The following CADPS2 variants were observed in gnomAD, a reference collection of about 807,000 sequenced individuals.
CADPS2 encodes the protein calcium dependent secretion activator 2.
A neutral mutation model predicts 172.5 loss-of-function variants in CADPS2; 93 were observed. The observed-to-expected ratio is 0.54, with a 90% CI of 0.46 to 0.64. The LOEUF (loss-of-function observed/expected upper bound fraction) is 0.64. Among genes scored for constraint, CADPS2 ranks in the 30% least tolerant of loss-of-function variants. The pLI, the probability that CADPS2 is intolerant of heterozygous loss-of-function variation, is 0.00. For synonymous variants in CADPS2, 546 were observed against 555.2 expected (o/e 0.98, Z 0.23); for missense variants, 1,420 against 1,565.9 (o/e 0.91, Z 1.57).
chr7:122,491,264 T>C (rs1488464650), intron 10 of CADPS2, 48 bp downstream of exon 10: 1 of 1,203,548 alleles, frequency 8.3e-7, no homozygotes, highest in East Asian at 2.5e-5. Flanking sequence ...TTTATAAGAA[T>C]TCCATGCATA....
intron 3 of CADPS2, among the ~76,000 whole-genome samples, chr7:122,655,597 G>A (rs1210245325): frequency 2.0e-5 from 3 of 149,932 alleles, no homozygotes; most frequent in Admixed American, 6.8e-5. Context: ...TTTATATGCA[G>A]TGTGAAATAA....
At chr7:122,448,970 G>T (rs566212298) in intron 15 of CADPS2, among the ~76,000 whole-genome samples, 1 of 152,258 alleles carries the variant, frequency 6.6e-6, no homozygotes, top group African/African-American at 2.4e-5. Flanking sequence ...CTACTAGTCT[G>T]GGGATGAAGC....
chr7:122,324,708 G>A (rs2033447471), intron 29 of CADPS2, among the ~76,000 whole-genome samples: 1 of 152,052 alleles, frequency 6.6e-6, no homozygotes, highest in African/African-American at 2.4e-5. Context: ...AAATAAATAG[G>A]TGATTCTCAA....
intron 9 of CADPS2, among the ~76,000 whole-genome samples, chr7:122,512,909 T>A (rs2060105505): frequency 6.6e-6 from 1 of 152,160 alleles, no homozygotes; most frequent in African/African-American, 2.4e-5. Flanking sequence ...CCCATTAGTA[T>A]AAAGGTGAGT....
At chr7:122,626,641 G>A (rs752061476) in intron 4 of CADPS2, among the ~76,000 whole-genome samples, 12 of 152,040 alleles carry the variant, frequency 7.9e-5, no homozygotes, top group Admixed American at 3.9e-4. Flanking sequence ...CCTTATTGTG[G>A]GGCTATCGCA....
rs538673039 is a variant in CADPS2, at chr7:122,533,960, G to A, written c.1475+20590C>T. 5.9e-5 allele frequency among the ~76,000 whole-genome samples: 9 copies of A among 152,164 alleles called. No individual in the cohort carries two copies. The South Asian group carries it at 1.5e-3, about 25-fold the overall frequency. ...GAACGTCCAAGATTTCCATTTAGCC[G>A]AACGCATGCATCTCTGCTGGCAAAT... On this transcript the variant is annotated intron_variant, in intron 8 of 29. Transcript: ENST00000449022.
chr7:122,572,036 T>G (rs1244776044), intron 7 of CADPS2, among the ~76,000 whole-genome samples: 1 of 152,292 alleles, frequency 6.6e-6, no homozygotes, highest in South Asian at 2.1e-4. Context: ...GCATTATATA[T>G]CTACATGTGA....
rs73719703 is a variant in CADPS2, at chr7:122,584,405, C to G, written c.1224-3115G>C. On this transcript the variant is annotated intron_variant, in intron 6 of 29. Transcript: ENST00000449022. ...ACTTATACAAAGTTGTAAATTTTTT[C>G]ATCTTTGAATCCTTATAGCATCTGT... Among the ~76,000 whole-genome samples, 1,169 of 151,938 alleles carry G rather than the reference C, an allele frequency of 7.7e-3. 15 individuals carry two copies. The highest frequency in any genetic ancestry group is 0.027 in the African/African-American group (1,129 of 41,506).
chr7:122,834,485 G>A (rs564653554), intron 1 of CADPS2, among the ~76,000 whole-genome samples: 1 of 152,246 alleles, frequency 6.6e-6, no homozygotes, highest in South Asian at 2.1e-4. Flanking sequence ...AGCAGGGTGA[G>A]GCAATGCCTC....
intron 20 of CADPS2, among the ~76,000 whole-genome samples, chr7:122,404,710 T>C (rs938219252): frequency 1.3e-5 from 2 of 152,240 alleles, no homozygotes; most frequent in Non-Finnish European, 2.9e-5. Context: ...TGGTATCTCA[T>C]TGTGGTTTTG....
At chr7:122,868,467 C>G (rs1818855901) in intron 1 of CADPS2, among the ~76,000 whole-genome samples, 1 of 152,124 alleles carries the variant, frequency 6.6e-6, no homozygotes, top group Admixed American at 6.6e-5. Flanking sequence ...CTTCTCTCAC[C>G]TCTCTCAAGG....
At chr7:122,731,713 C>T (rs145970611) in intron 2 of CADPS2, among the ~76,000 whole-genome samples, 51 of 151,446 alleles carry the variant, frequency 3.4e-4, no homozygotes, top group African/African-American at 1.2e-3. Context: ...GATGAAAGTG[C>T]AGCAGAATCA....
At chr7:122,508,990 A>G (rs577950241) in intron 9 of CADPS2, among the ~76,000 whole-genome samples, 124 of 152,324 alleles carry the variant, frequency 8.1e-4, no homozygotes, top group African/African-American at 2.9e-3. Context: ...GCATAAAGCT[A>G]TAAAGTCATT....
chr7:122,872,268 C>T (rs1258842700), intron 1 of CADPS2, among the ~76,000 whole-genome samples: 1 of 152,082 alleles, frequency 6.6e-6, no homozygotes, highest in African/African-American at 2.4e-5. Context: ...GGGATTCTTA[C>T]AGTGTTGCAC....
intron 8 of CADPS2, among the ~76,000 whole-genome samples, chr7:122,548,254 T>C (rs1004479619): frequency 1.3e-5 from 2 of 151,914 alleles, no homozygotes; most frequent in African/African-American, 4.8e-5. Flanking sequence ...ACACCTGTGG[T>C]CCCAGCTACT....
At chr7:122,372,845 T>C (rs957179194) in intron 25 of CADPS2, among the ~76,000 whole-genome samples, 4 of 152,198 alleles carry the variant, frequency 2.6e-5, no homozygotes, top group Non-Finnish European at 4.4e-5. Flanking sequence ...GTTAAGTGCA[T>C]TGGATTAAGG....
chr7:122,741,511 A>G (rs1473030560), intron 1 of CADPS2, among the ~76,000 whole-genome samples: 1 of 152,196 alleles, frequency 6.6e-6, no homozygotes, highest in Admixed American at 6.5e-5. Flanking sequence ...CTACACGGAG[A>G]CTGGACAGCA....
intron 22 of CADPS2, 149 bp downstream of exon 22, chr7:122,393,047 C>T (rs2044583094): frequency 1.1e-6 from 1 of 897,010 alleles, no homozygotes; most frequent in Admixed American, 3.0e-5. Context: ...GCTTAGCTTA[C>T]TAGCTTAAAA....
intron 8 of CADPS2, among the ~76,000 whole-genome samples, chr7:122,532,030 C>CAAA (rs11326243): frequency 4.6e-5 from 6 of 131,646 alleles, no homozygotes; most frequent in African/African-American, 1.4e-4. Context: ...GACTCCGTCT[C>CAAA]AAAAAAAAAA....
Sources: gnomAD v4.1 joint callset for allele counts (sites outside exome capture counted in the v4.1 genomes callset) on GRCh38, gnomAD v4.1.1 for gene constraint, MANE v1.5 for transcripts, NCBI Gene and HGNC (gene_info 2026-07-23, HGNC 2026-07-21) for gene names.